The following SLC25A13 variants were observed in gnomAD, a reference collection of about 807,000 sequenced individuals.
The protein encoded by SLC25A13 is electrogenic aspartate/glutamate antiporter SLC25A13, mitochondrial.
SLC25A13 carries 70 observed loss-of-function variants against 85.5 expected under a neutral mutation model. That is an observed-to-expected ratio of 0.82 (90% CI 0.68 to 1.00). SLC25A13 has a LOEUF of 1.00. Ranked by LOEUF, SLC25A13 falls within the 50% of genes least tolerant of loss-of-function variation. The pLI is 0.00. For missense variants in SLC25A13, 765 were observed against 819.8 expected, an observed-to-expected ratio of 0.93 and a Z score of 0.82; for synonymous variants, 259 against 288.7, an observed-to-expected ratio of 0.90 and a Z score of 1.04.
intron 2 of SLC25A13, among the ~76,000 whole-genome samples, chr7:96,290,199 A>G (rs1799060417): frequency 6.6e-6 from 1 of 152,220 alleles, no homozygotes; most frequent in South Asian, 2.1e-4. Flanking sequence ...AAGGAGAAAT[A>G]AAATACTTTA....
chr7:96,246,641 G>A (rs73710257), intron 3 of SLC25A13, among the ~76,000 whole-genome samples: 1,885 of 152,174 alleles, frequency 0.012, 39 homozygotes, highest in African/African-American at 0.043. Context: ...TCAATTACTC[G>A]GGAACATTTT....
At chr7:96,310,092 A>C (rs1212192581) in intron 1 of SLC25A13, among the ~76,000 whole-genome samples, 1 of 152,188 alleles carries the variant, frequency 6.6e-6, no homozygotes, top group Non-Finnish European at 1.5e-5. Context: ...CAGAACTGTG[A>C]AAAAATAAAT....
At chr7:96,314,572 CTT>C (rs1216467209) in intron 1 of SLC25A13, among the ~76,000 whole-genome samples, 3 of 152,112 alleles carry the variant, frequency 2.0e-5, no homozygotes, top group Non-Finnish European at 4.4e-5. Flanking sequence ...CCCACAGAGT[CTT>C]ATGAGGAAAT....
intron 4 of SLC25A13, among the ~76,000 whole-genome samples, chr7:96,224,055 GA>G (rs918407201): frequency 6.6e-6 from 1 of 152,086 alleles, no homozygotes. Flanking sequence ...CATTAAATAA[GA>G]AATACAGTAA....
intron 14 of SLC25A13, among the ~76,000 whole-genome samples, chr7:96,132,943 ACG>A (rs1415914248): frequency 6.6e-6 from 1 of 152,180 alleles, no homozygotes; most frequent in Non-Finnish European, 1.5e-5. Context: ...TTTTCCTGAC[ACG>A]CACATTTCAC....
chr7:96,200,016 C>A (rs1286764480), intron 5 of SLC25A13, among the ~76,000 whole-genome samples: 1 of 151,834 alleles, frequency 6.6e-6, no homozygotes, highest in African/African-American at 2.4e-5. Flanking sequence ...ACAACAAAAA[C>A]CCAAAAAACC....
chr7:96,184,233 T>C (rs1235016050), intron 11 of SLC25A13, 44 bp downstream of exon 11: 1 of 1,611,572 alleles, frequency 6.2e-7, no homozygotes, highest in Non-Finnish European at 8.5e-7. Flanking sequence ...ACCAAACCTT[T>C]GAGTGTTATT....
At chr7:96,130,078 TA>T (rs1791958644) in intron 15 of SLC25A13, among the ~76,000 whole-genome samples, 1 of 152,206 alleles carries the variant, frequency 6.6e-6, no homozygotes, top group African/African-American at 2.4e-5. Flanking sequence ...CAAAATCATT[TA>T]AAAAAGGAGA....
intron 3 of SLC25A13, among the ~76,000 whole-genome samples, chr7:96,254,816 A>G (rs1213753137): frequency 6.6e-6 from 1 of 152,172 alleles, no homozygotes; most frequent in Non-Finnish European, 1.5e-5. Flanking sequence ...CCAAAAAACT[A>G]ATACAAAAAA....
rs73405049 is a variant in SLC25A13, at chr7:96,313,747, T to G, written c.15+8195A>C. The stretch of plus-strand genomic sequence containing the variant: ...CAGGTAACAAATCTGTACATGTACC[T>G]CCGGAATCTAAAATAAAAGTTGAAA... On this transcript the variant is annotated intron_variant, in intron 1 of 17. Transcript: ENST00000265631. Among the ~76,000 whole-genome samples, 1,431 of 152,198 alleles carry G rather than the reference T, an allele frequency of 9.4e-3. 21 individuals carry two copies. The highest frequency in any genetic ancestry group is 0.032 in the African/African-American group (1,313 of 41,506).
intron 2 of SLC25A13, among the ~76,000 whole-genome samples, chr7:96,285,506 T>C (rs994448942): frequency 1.3e-5 from 2 of 152,166 alleles, no homozygotes; most frequent in Non-Finnish European, 2.9e-5. Flanking sequence ...TCTCCAGGCC[T>C]TCCCTCAAAC....
chr7:96,137,118 G>A (rs1422654404), intron 14 of SLC25A13, among the ~76,000 whole-genome samples: 2 of 152,140 alleles, frequency 1.3e-5, no homozygotes, highest in African/African-American at 4.8e-5. Flanking sequence ...GCTTGGCAGT[G>A]CCTCTCCAGC....
Position 96,248,565 on chromosome 7 carries a change from A to G in SLC25A13, c.213-13648T>C, listed in dbSNP as rs1319918439. Among the ~76,000 whole-genome samples, 8 of 152,274 alleles carry G rather than the reference A, an allele frequency of 5.3e-5. No individual in the cohort carries two copies. The East Asian group carries it at 1.5e-3, about 29-fold the overall frequency. ...AGAAACAGCCACACAAAATGGTGCA[A>G]CTTGGACTTAGGTACCATGCTCCTA... is the stretch of plus-strand genomic sequence containing the variant. On this transcript the variant is annotated intron_variant, in intron 3 of 17. Transcript: ENST00000265631.
intron 11 of SLC25A13, among the ~76,000 whole-genome samples, chr7:96,181,825 T>C (rs1014673738): frequency 3.3e-5 from 5 of 152,340 alleles, no homozygotes; most frequent in Admixed American, 2.6e-4. Context: ...AAAGCATTAA[T>C]AGCAGCAATA....
At chr7:96,140,211 G>A (rs1437144423) in intron 14 of SLC25A13, among the ~76,000 whole-genome samples, 1 of 151,436 alleles carries the variant, frequency 6.6e-6, no homozygotes, top group African/African-American at 2.4e-5. Context: ...GCCCGCCTCG[G>A]CCTCCCAAAG....
At chr7:96,159,133 C>T (rs945749802) in intron 13 of SLC25A13, among the ~76,000 whole-genome samples, 5 of 152,172 alleles carry the variant, frequency 3.3e-5, no homozygotes, top group African/African-American at 1.2e-4. Context: ...GTCGGAAGGC[C>T]ACTCACCCTG....
intron 3 of SLC25A13, among the ~76,000 whole-genome samples, chr7:96,249,783 T>C (rs1444562410): frequency 4.6e-5 from 7 of 152,006 alleles, no homozygotes; most frequent in Non-Finnish European, 8.8e-5. Flanking sequence ...TGAGACTCTC[T>C]TGCATTTTCT....
chr7:96,121,193 A>T lies in SLC25A13; in HGVS notation c.2026T>A (p.Ter676LysextTer16), dbSNP rs759865234. Residue 676 changes from the stop codon to lysine (K), a stop_lost, in exon 18 of 18, where the codon TAG (stop) becomes AAG (lysine). Transcript: ENST00000265631. Reference protein sequence around the residue: ...STSKAIGGGP* With the variant: ...STSKAIGGGPK ...GCACTATCCCAGGGCTGATCTTCCT[A>T]TGGGCCTCCACCAATAGCCTTTGAG... 1.2e-6 allele frequency: 2 copies of T among 1,614,108 alleles called. No homozygotes were observed. The highest frequency in any genetic ancestry group is 1.7e-6 in the Non-Finnish European group (2 of 1,179,982).
chr7:96,249,883 A>AT (rs1797342911), intron 3 of SLC25A13, among the ~76,000 whole-genome samples: 1 of 151,230 alleles, frequency 6.6e-6, no homozygotes, highest in African/African-American at 2.4e-5. Flanking sequence ...ACTTAGCAAA[A>AT]AAAAAAAAAA....
Sources: allele counts gnomAD v4.1 joint callset (sites outside exome capture counted in the v4.1 genomes callset), GRCh38; gene constraint gnomAD v4.1.1; transcripts MANE v1.5; gene names NCBI Gene and HGNC (gene_info 2026-07-23, HGNC 2026-07-21).